The following CMIP variants were observed in gnomAD, a reference collection of about 807,000 sequenced individuals.
CMIP encodes the protein C-Maf-inducing protein.
Under a neutral mutation model 97.3 loss-of-function variants are expected in CMIP, and 13 were observed. That is an observed-to-expected ratio of 0.13 (90% CI 0.09 to 0.21). The LOEUF is 0.21. Ranked by LOEUF, CMIP falls within the 10% of genes least tolerant of loss-of-function variation. The pLI, the probability that CMIP is intolerant of heterozygous loss-of-function variation, is 1.00. For synonymous variants in CMIP, 538 were observed against 436.3 expected, an observed-to-expected ratio of 1.23 and a Z score of -2.91; for missense variants, 847 against 1,024.9, an observed-to-expected ratio of 0.83 and a Z score of 2.37.
chr16:81,598,968 CAAAAAAAAAA>C (rs141717317), intron 1 of CMIP, among the ~76,000 whole-genome samples: 5 of 49,874 alleles, frequency 1.0e-4, no homozygotes, highest in East Asian at 6.1e-4. Flanking sequence ...GACTCTGTCT[CAAAAAAAAAA>C]AAAAAAAAAA....
At chr16:81,650,821 C>A (rs2092419597) in intron 3 of CMIP, among the ~76,000 whole-genome samples, 1 of 152,150 alleles carries the variant, frequency 6.6e-6, no homozygotes, top group South Asian at 2.1e-4. Context: ...CAGAACAGGA[C>A]CCTAAGGCTC....
chr16:81,493,822 C>T lies in CMIP; in HGVS notation c.300+48281C>T, dbSNP rs754376449. On this transcript the variant is annotated intron_variant, in intron 1 of 20. Transcript: ENST00000537098. ...GTCACCTGCTGGCTCACACAGCAGC[C>T]GGGACCGGGATTGCAGGTGACCCAC... Among the ~76,000 whole-genome samples the T allele has an allele frequency of 5.3e-5, 8 of 152,196 alleles. 1 individual carries two copies. Among genetic ancestry groups the T allele is most frequent in the South Asian group, 2.1e-4 (1 of 4,826 alleles).
chr16:81,647,897 C>T (rs975964315), intron 3 of CMIP, among the ~76,000 whole-genome samples: 2 of 142,174 alleles, frequency 1.4e-5, no homozygotes, highest in Admixed American at 7.2e-5. Flanking sequence ...GCACCCACAA[C>T]GCCGTAGCCC....
At chr16:81,527,467 ATTAC>A (rs1197531512) in intron 1 of CMIP, among the ~76,000 whole-genome samples, 1 of 152,186 alleles carries the variant, frequency 6.6e-6, no homozygotes, top group Admixed American at 6.5e-5. Context: ...TTATTGAAGT[ATTAC>A]TTACTTTCAA....
At chr16:81,566,294 C>G (rs751969383) in intron 1 of CMIP, among the ~76,000 whole-genome samples, 30 of 152,206 alleles carry the variant, frequency 2.0e-4, no homozygotes, top group Non-Finnish European at 2.8e-4. Context: ...TACCAGGCCC[C>G]GTACCTGGTC....
chr16:81,526,367 C>T (rs2090133760), intron 1 of CMIP, among the ~76,000 whole-genome samples: 1 of 152,186 alleles, frequency 6.6e-6, no homozygotes, highest in Non-Finnish European at 1.5e-5. Context: ...CAGTACCAAT[C>T]ACAGTGGTGT....
intron 1 of CMIP, among the ~76,000 whole-genome samples, chr16:81,475,252 C>T (rs193228982): frequency 6.6e-6 from 1 of 152,186 alleles, no homozygotes; most frequent in African/African-American, 2.4e-5. Context: ...ACTGCATATT[C>T]TCCCTTTGCT....
intron 1 of CMIP, among the ~76,000 whole-genome samples, chr16:81,471,125 A>T (rs1217912599): frequency 1.3e-5 from 2 of 152,246 alleles, no homozygotes; most frequent in Admixed American, 1.3e-4. Context: ...ACTTGTGCAT[A>T]TACACATATA....
chr16:81,493,749 G>A (rs995457911), intron 1 of CMIP, among the ~76,000 whole-genome samples: 3 of 152,218 alleles, frequency 2.0e-5, no homozygotes, highest in Non-Finnish European at 4.4e-5. Context: ...GAAGCAACAC[G>A]CACGTCGCAG....
rs527388420 is a variant in CMIP at position 81,500,664 on chromosome 16, T to A, written c.300+55123T>A. ...CCACCACATCCAGCTAATTTTTGTATTTTTAGTAGAGACTGGGTTTCACCA... is the reference window on the plus strand; with the variant it reads ...CCACCACATCCAGCTAATTTTTGTAATTTTAGTAGAGACTGGGTTTCACCA... On this transcript the variant is annotated intron_variant, in intron 1 of 20. Transcript: ENST00000537098. Among the ~76,000 whole-genome samples, 4 of 152,006 alleles carry A rather than the reference T, an allele frequency of 2.6e-5. No individual in the cohort carries two copies. In the South Asian group the frequency reaches 8.3e-4, roughly 32 times the overall value.
chr16:81,545,076 C>G (rs2090520496), intron 1 of CMIP, among the ~76,000 whole-genome samples: 1 of 152,140 alleles, frequency 6.6e-6, no homozygotes, highest in Admixed American at 6.5e-5. Flanking sequence ...ATCTTGTAAA[C>G]TCCTAGACTC....
chr16:81,582,622 C>T (rs2091314404), intron 1 of CMIP, among the ~76,000 whole-genome samples: 1 of 152,138 alleles, frequency 6.6e-6, no homozygotes, highest in African/African-American at 2.4e-5. Context: ...AGCCCAGAAT[C>T]CAGGTAGAGA....
intron 1 of CMIP, among the ~76,000 whole-genome samples, chr16:81,552,448 G>T (rs1567574849): frequency 6.6e-6 from 1 of 152,176 alleles, no homozygotes; most frequent in Non-Finnish European, 1.5e-5. Flanking sequence ...GCTATGTTAG[G>T]ATGTTTTCTC....
intron 1 of CMIP, among the ~76,000 whole-genome samples, chr16:81,588,465 T>G (rs1038664642): frequency 6.6e-6 from 1 of 152,140 alleles, no homozygotes; most frequent in Non-Finnish European, 1.5e-5. Context: ...TCCATTGACC[T>G]CGTTTACGGG....
At chr16:81,589,428 G>A (rs989320463) in intron 1 of CMIP, among the ~76,000 whole-genome samples, 2 of 151,610 alleles carry the variant, frequency 1.3e-5, no homozygotes, top group African/African-American at 4.8e-5. Flanking sequence ...TTATATTCAT[G>A]ACAATAGTAA....
chr16:81,476,162 C>T (rs1907903324), intron 1 of CMIP: 1 of 1,141,110 alleles, frequency 8.8e-7, no homozygotes, highest in South Asian at 1.2e-5. Flanking sequence ...TTCAACCACT[C>T]AGTCTTGGCA....
At chr16:81,448,365 C>T (rs569930696) in intron 1 of CMIP, among the ~76,000 whole-genome samples, 5 of 152,254 alleles carry the variant, frequency 3.3e-5, no homozygotes. Flanking sequence ...ATCCAATTAA[C>T]CGAATCTGAG....
At chr16:81,528,265 C>G (rs1462289744) in intron 1 of CMIP, among the ~76,000 whole-genome samples, 4 of 152,094 alleles carry the variant, frequency 2.6e-5, no homozygotes, top group Non-Finnish European at 4.4e-5. Flanking sequence ...CTTGTCTGGT[C>G]TTGGAGTGAA....
intron 1 of CMIP, among the ~76,000 whole-genome samples, chr16:81,560,052 G>GC (rs2090846651): frequency 6.6e-6 from 1 of 151,386 alleles, no homozygotes; most frequent in Non-Finnish European, 1.5e-5. Context: ...GGAGCCTGAG[G>GC]AAGGAGAATC....
Sources: gnomAD v4.1 joint callset for allele counts (sites outside exome capture counted in the v4.1 genomes callset) on GRCh38, gnomAD v4.1.1 for gene constraint, MANE v1.5 for transcripts, NCBI Gene and HGNC (gene_info 2026-07-23, HGNC 2026-07-21) for gene names.